Variants in CAD observed in about 807,000 individuals in gnomAD.
CAD encodes the protein carbamoyl-phosphate synthetase 2, aspartate transcarbamylase, and dihydroorotase, also known as multifunctional protein CAD.
In CAD, 81 loss-of-function variants were observed where a neutral mutation model predicts 237.2. That is an observed-to-expected ratio of 0.34 (90% CI 0.29 to 0.41). The LOEUF (loss-of-function observed/expected upper bound fraction) is 0.41, where lower values mean the gene tolerates loss of function less well. Among genes scored for constraint, CAD ranks in the 10% least tolerant of loss-of-function variants. The probability of loss-of-function intolerance (pLI) is 1.00; values close to 1 mark genes in which losing one functional copy is unlikely to be tolerated. For synonymous variants in CAD, 1,196 were observed against 1,162.8 expected (o/e 1.03, Z -0.58); for missense variants, 2,181 against 2,951.7 (o/e 0.74, Z 6.05).
Position 27,234,026 on chromosome 2 carries a change from G to A in CAD, c.3418G>A (p.Val1140Met), listed in dbSNP as rs988886378. Residue 1140 changes from valine to methionine, a missense_variant, in exon 22 of 44, where the codon GTG becomes ATG. Val to Met is a conservative substitution (Grantham distance 21). Transcript: ENST00000264705. ...QEAKEIDVDAVASDGVVAAIA... is the reference protein window; with the variant it reads ...QEAKEIDVDAMASDGVVAAIA... ...CCGCTAGGAGATTGACGTGGATGCC[G>A]TGGCCTCTGATGGTGTGGTGGCAGC... 3.1e-5 allele frequency: 50 copies of A among 1,613,810 alleles called. No individual in the cohort carries two copies. Among genetic ancestry groups the A allele is most frequent in the Non-Finnish European group, 3.9e-5 (46 of 1,179,912 alleles).
chr2:27,234,571 C>G lies in CAD; in HGVS notation c.3672C>G (p.Pro1224=). The part of the protein sequence containing the change: ...ECNVRVSRSF[P]FVSKTLGVDL... Reference sequence around the variant, plus strand: ...ACGTACGTGTCTCTCGCTCCTTCCCCTTCGTTTCCAAGACACTGGGTGTGG... The same window carrying G: ...ACGTACGTGTCTCTCGCTCCTTCCCGTTCGTTTCCAAGACACTGGGTGTGG... Residue 1224 remains proline, a synonymous_variant, in exon 23 of 44, where the codon CCC becomes CCG. Transcript: ENST00000264705. The G allele has an allele frequency of 6.2e-7, 1 of 1,614,090 alleles. No individual in the cohort carries two copies. The highest frequency in any genetic ancestry group is 8.5e-7 in the Non-Finnish European group (1 of 1,179,944).
At chr2:27,224,970 A>C (rs762066850) in intron 10 of CAD, 40 bp from the exon 11 acceptor site, 1 of 1,607,474 alleles carries the variant, frequency 6.2e-7, no homozygotes, top group South Asian at 1.1e-5. Context: ...CTCTCTACCC[A>C]CAAGGTTCTG....
At chr2:27,223,424 C>G in intron 6 of CAD, 139 bp from the exon 7 acceptor site, 1 of 740,322 alleles carries the variant, frequency 1.4e-6, no homozygotes, top group Non-Finnish European at 2.1e-6. Flanking sequence ...GAGGGAGACT[C>G]CGTCTCAAAA....
chr2:27,238,898 C>G, intron 31 of CAD, 144 bp from the exon 32 acceptor site: 1 of 841,312 alleles, frequency 1.2e-6, no homozygotes, highest in East Asian at 2.5e-5. Flanking sequence ...GTCCTGTTGC[C>G]CTTGTTTCTA....
intron 42 of CAD, 56 bp downstream of exon 42, chr2:27,243,029 G>A (rs974740208): frequency 1.4e-6 from 2 of 1,462,254 alleles, no homozygotes; most frequent in African/African-American, 1.4e-5. Flanking sequence ...CATCAGATAT[G>A]AGGACAGAAA....
At chr2:27,238,035 A>C in intron 29 of CAD, 21 bp from the exon 30 acceptor site, 2 of 1,613,646 alleles carry the variant, frequency 1.2e-6, no homozygotes, top group Non-Finnish European at 1.7e-6. Context: ...ACACTCCTTC[A>C]TCAGTTCTTT....
In CAD at chr2:27,235,725, C is replaced by T; in HGVS notation, c.4074+85C>T. 1.7e-6 allele frequency: 2 copies of T among 1,152,424 alleles called. No homozygotes were observed. Among genetic ancestry groups the T allele is most frequent in the African/African-American group, 1.5e-5 (1 of 65,866 alleles). 71.4% of individuals were successfully genotyped at this position (1,152,424 alleles called of 1,614,324 possible). On this transcript the variant is annotated intron_variant, in intron 25 of 43. Coordinates refer to ENST00000264705, the MANE Select transcript of CAD (RefSeq NM_004341.5). The surrounding 1 kb of genome is among the most constrained non-coding windows in gnomAD (Gnocchi z 5.2). ...GCACCAAAGAATTATCTGGGCTGGGCACGGTGGCATATACCTGTAGTCCCA... is the reference window on the plus strand; with the variant it reads ...GCACCAAAGAATTATCTGGGCTGGGTACGGTGGCATATACCTGTAGTCCCA...
Position 27,232,893 on chromosome 2 carries a change from C to G in CAD, c.2893-149C>G. Reference sequence around the variant, plus strand: ...TTCCCCAACACTTTGTACCTCCTTCCCTCCCAAGGCAGGGGTCCTGTACAG... The same window carrying G: ...TTCCCCAACACTTTGTACCTCCTTCGCTCCCAAGGCAGGGGTCCTGTACAG... On this transcript the variant is annotated intron_variant, in intron 18 of 43. Coordinates refer to ENST00000264705, the MANE Select transcript of CAD (RefSeq NM_004341.5). This position sits in a 1 kb window ranked among gnomAD's most constrained non-coding sequence, Gnocchi z 4.1. 1.3e-6 allele frequency: 1 copy of G among 779,648 alleles called. No individual in the cohort carries two copies. Among genetic ancestry groups the G allele is most frequent in the Non-Finnish European group, 2.1e-6 (1 of 468,454 alleles). 48.3% of individuals were successfully genotyped at this position (779,648 alleles called of 1,614,324 possible).
chr2:27,217,893 G>A lies in CAD; in HGVS notation c.99G>A (p.Met33Ile), dbSNP rs1674949224. The A allele has an allele frequency of 6.2e-7, 1 of 1,606,398 alleles. No individual in the cohort carries two copies. ...TAGEVVFQTG[M>I]VGYPEALTDP... is the part of the protein sequence containing the mutation. ...TTCTTGCAGTGTTTCAAACCGGCAT[G>A]GTCGGCTACCCCGAGGCCCTCACTG... Residue 33 changes from methionine to isoleucine, a missense_variant, in exon 2 of 44, where the codon ATG (methionine) becomes ATA (isoleucine). Coordinates refer to ENST00000264705, the MANE Select transcript of CAD (RefSeq NM_004341.5).
At position 27,217,469 on chromosome 2, in the gene CAD, C is replaced by G. The variant is rs1239331995; in HGVS notation, c.-83C>G. The G allele has an allele frequency of 4.1e-6, 5 of 1,226,318 alleles. No individual in the cohort carries two copies. In the African/African-American group the frequency reaches 6.0e-5, roughly 15 times the overall value. The allele number at this position is 1,226,318 out of a possible 1,614,324, so 76.0% of individuals were successfully genotyped here. A position where few individuals can be genotyped will look rare whatever the true frequency, so the allele number is the denominator to read the frequency against. On this transcript the variant is annotated 5_prime_UTR_variant, in exon 1 of 44. Coordinates refer to ENST00000264705, the MANE Select transcript of CAD (RefSeq NM_004341.5). ...CGTTAGCCACGTGGACCGACTCCGG[C>G]GCGCCGTCCTCACGTGGTTCCAGTG...
At chr2:27,225,560 C>A in intron 11 of CAD, 145 bp from the exon 12 acceptor site, 1 of 652,966 alleles carries the variant, frequency 1.5e-6, no homozygotes, top group Non-Finnish European at 2.7e-6. Flanking sequence ...CCCCCCCGAC[C>A]CTCGGCCTCC....
At position 27,239,402 on chromosome 2, in the gene CAD, A is replaced by G; in HGVS notation, c.5325A>G (p.Glu1775=). 5 of 1,614,130 alleles carry G rather than the reference A, an allele frequency of 3.1e-6. No homozygotes were observed. Among genetic ancestry groups the G allele is most frequent in the Non-Finnish European group, 4.2e-6 (5 of 1,180,000 alleles). ...CCAAGGCCCACTGGACACCTTTTGA[A>G]GGGCAGAAAGTGAAGGGCACCGTCC... ...PFSKAHWTPF[E]GQKVKGTVRR... is the part of the protein sequence containing the mutation. The change falls in exon 33 of 44, where the codon GAA becomes GAG. Residue 1775 remains glutamate, a synonymous_variant. Transcript: ENST00000264705. This position sits in a 1 kb window ranked among gnomAD's most constrained non-coding sequence, Gnocchi z 4.0.
In CAD at chr2:27,235,393, A is replaced by G. The variant is rs1675953571; in HGVS notation, c.3935A>G (p.Lys1312Arg). 6.2e-7 allele frequency: 1 copy of G among 1,613,426 alleles called. No homozygotes were observed. The highest frequency in any genetic ancestry group is 2.2e-5 in the East Asian group (1 of 44,880). ...AMLSTGFKIP[K>R]KNILLTIGSY... ...CTAAGCACTGGCTTTAAGATCCCCA[A>G]GAAGAATATCCTGCTGACCATTGGC... Residue 1312 changes from lysine (K) to arginine (R), a missense_variant, in exon 24 of 44, where the codon AAG (lysine) becomes AGG (arginine). Lys to Arg is a conservative substitution (Grantham distance 26). Transcript: ENST00000264705. This position sits in a 1 kb window ranked among gnomAD's most constrained non-coding sequence, Gnocchi z 5.2.
chr2:27,222,646 C>T lies in CAD; in HGVS notation c.623C>T (p.Ala208Val), dbSNP rs1675229732. The T allele has an allele frequency of 1.2e-6, 2 of 1,613,516 alleles. No homozygotes were observed. The highest frequency in any genetic ancestry group is 1.3e-5 in the African/African-American group (1 of 74,896). The change falls in exon 5 of 44, where the codon GCA (alanine) becomes GTA (valine). Residue 208 changes from alanine to valine, a missense_variant. By Grantham distance (64) the Ala-to-Val change is moderately conservative. Around this residue, in one of 12 missense-constraint regions of CAD, gnomAD observed 314 missense variants for 339.4 expected, o/e 0.93. Transcript: ENST00000264705. ...AEVTVVPWDH[A>V]LDSQEYEGLF... Reference sequence around the variant, plus strand: ...GTCACTGTGGTACCCTGGGACCATGCACTAGACAGCCAAGGTGAGTAGCTG... The same window carrying T: ...GTCACTGTGGTACCCTGGGACCATGTACTAGACAGCCAAGGTGAGTAGCTG...
rs772537091 is a variant in CAD at position 27,222,564 on chromosome 2, T to C, written c.541T>C (p.Leu181=). The change falls in exon 5 of 44, where the codon TTG becomes CTG. Residue 181 remains leucine (L), a synonymous_variant. Coordinates refer to ENST00000264705, the MANE Select transcript of CAD (RefSeq NM_004341.5). The part of the protein sequence containing the change: ...NTGGAPRILA[L]DCGLKYNQIR... ...AGGGGGTGCCCCTCGGATCCTTGCT[T>C]TGGACTGTGGCCTCAAGTATAATCA... 6.2e-7 allele frequency: 1 copy of C among 1,614,128 alleles called. No individual in the cohort carries two copies. The highest frequency in any genetic ancestry group is 1.1e-5 in the South Asian group (1 of 91,084).
Position 27,239,562 on chromosome 2 carries a change from T to C in CAD, c.5394+91T>C. 1.9e-6 allele frequency: 3 copies of C among 1,544,536 alleles called. No individual in the cohort carries two copies. Among genetic ancestry groups the C allele is most frequent in the Middle Eastern group, 1.9e-4 (1 of 5,278 alleles). ...TCCCAGCACATCTACACTGTCCCAC[T>C]ATGTGCACCACTGCCCTGGACCAGG... is the stretch of plus-strand genomic sequence containing the variant. On this transcript the variant is annotated intron_variant, in intron 33 of 43. Coordinates refer to ENST00000264705, the MANE Select transcript of CAD (RefSeq NM_004341.5). This position sits in a 1 kb window ranked among gnomAD's most constrained non-coding sequence, Gnocchi z 4.0.
At chr2:27,221,406 T>C (rs1675157667) in intron 3 of CAD, 59 bp downstream of exon 3, 1 of 1,388,232 alleles carries the variant, frequency 7.2e-7, no homozygotes, top group Non-Finnish European at 9.4e-7. Context: ...ATGGAAAGAA[T>C]CAAGGTTTCT....
rs1675882579 is a variant in CAD at position 27,233,910 on chromosome 2, C to T, written c.3400-98C>T. On this transcript the variant is annotated intron_variant, in intron 21 of 43. Transcript: ENST00000264705. The surrounding 1 kb of genome is among the most constrained non-coding windows in gnomAD (Gnocchi z 6.3). ...GAATCATAGGCACCAGGGCTGGGAACAGTGGGCTATGTGGGGCTCGTTAAA... is the reference window on the plus strand; with the variant it reads ...GAATCATAGGCACCAGGGCTGGGAATAGTGGGCTATGTGGGGCTCGTTAAA... 1.9e-6 allele frequency: 3 copies of T among 1,547,128 alleles called. No homozygotes were observed. The highest frequency in any genetic ancestry group is 2.2e-4 in the Middle Eastern group (1 of 4,586).
Position 27,238,930 on chromosome 2 carries a change from T to TGG in CAD, c.5063-110_5063-109dup, listed in dbSNP as rs1676158499. On this transcript the variant is annotated intron_variant, in intron 31 of 43. Coordinates refer to ENST00000264705, the MANE Select transcript of CAD (RefSeq NM_004341.5). ...TCTAGTTCCCAGAAAAAATGAGCATTGGGAGTGGTAGTGAGCATAAGGAGG... is the reference window on the plus strand; with the variant it reads ...TCTAGTTCCCAGAAAAAATGAGCATTGGGGGAGTGGTAGTGAGCATAAGGAGG... The TGG allele has an allele frequency of 1.1e-5, 11 of 1,039,488 alleles. No individual in the cohort carries two copies. In the East Asian group the frequency reaches 2.7e-4, roughly 25 times the overall value. 64.4% of individuals were successfully genotyped at this position (1,039,488 alleles called of 1,614,324 possible).
Sources: allele counts gnomAD v4.1 joint callset, GRCh38; gene constraint gnomAD v4.1.1; regional missense constraint gnomAD v4.1.1; non-coding constraint Gnocchi (gnomAD v3.1); transcripts MANE v1.5; gene names NCBI Gene and HGNC (gene_info 2026-07-23, HGNC 2026-07-21).